TCERG1L: variants seen among roughly 807,000 people sequenced by gnomAD.
TCERG1L encodes the protein transcription elongation regulator 1 like.
In TCERG1L, 37 loss-of-function variants were observed where a neutral mutation model predicts 56.3. The ratio of observed to expected loss-of-function variants is 0.66; its 90% confidence interval spans 0.51 to 0.87. TCERG1L has a LOEUF of 0.87. Ranked by LOEUF, TCERG1L falls within the 40% of genes least tolerant of loss-of-function variation. The pLI is 0.00. For synonymous variants in TCERG1L, 324 were observed against 326.3 expected, an observed-to-expected ratio of 0.99 and a Z score of 0.08; for missense variants, 799 against 774.2, an observed-to-expected ratio of 1.03 and a Z score of -0.38.
At chr10:131,177,106 A>C (rs1347587331) in intron 4 of TCERG1L, among the ~76,000 whole-genome samples, 2 of 152,078 alleles carry the variant, frequency 1.3e-5, no homozygotes, top group African/African-American at 4.8e-5. Flanking sequence ...ACATGCACAC[A>C]CAGACACGTG....
chr10:131,114,720 C>G (rs1404866795), intron 9 of TCERG1L, among the ~76,000 whole-genome samples: 1 of 152,146 alleles, frequency 6.6e-6, no homozygotes, highest in African/African-American at 2.4e-5. Context: ...GCCGGCCTCT[C>G]AAGCAGGTAG....
Position 131,267,340 on chromosome 10 carries a change from A to C in TCERG1L, c.671-6896T>G, listed in dbSNP as rs1846297859. Among the ~76,000 whole-genome samples, 1 of 152,196 alleles carries C rather than the reference A, an allele frequency of 6.6e-6. No individual in the cohort carries two copies. Among genetic ancestry groups the C allele is most frequent in the Non-Finnish European group, 1.5e-5 (1 of 68,024 alleles). ...CTCTAGGATCGGAGTAAGCACTGGA[A>C]GCAGGGAGAGGCCAGGCAGCAGGAG... is the stretch of plus-strand genomic sequence containing the variant. On this transcript the variant is annotated intron_variant, in intron 3 of 11. Transcript: ENST00000368642. The surrounding 1 kb of genome is among the most constrained non-coding windows in gnomAD (Gnocchi z 4.9).
intron 8 of TCERG1L, among the ~76,000 whole-genome samples, chr10:131,119,613 G>A (rs549129574): frequency 6.6e-6 from 1 of 152,338 alleles, no homozygotes; most frequent in South Asian, 2.1e-4. Flanking sequence ...CTCTGTGCAG[G>A]GCTGCCGCAC....
intron 3 of TCERG1L, among the ~76,000 whole-genome samples, chr10:131,283,270 T>C (rs1276170732): frequency 6.6e-6 from 1 of 152,200 alleles, no homozygotes; most frequent in African/African-American, 2.4e-5. Context: ...GAAACCTGTC[T>C]TAGGTCTCCC....
At position 131,127,026 on chromosome 10, in the gene TCERG1L, C is replaced by T. The variant is rs566491618; in HGVS notation, c.1259+7353G>A. 2.6e-5 allele frequency among the ~76,000 whole-genome samples: 4 copies of T among 152,290 alleles called. No homozygotes were observed. In the East Asian group the frequency reaches 7.7e-4, roughly 29 times the overall value. On this transcript the variant is annotated intron_variant, in intron 8 of 11. Coordinates refer to ENST00000368642, the MANE Select transcript of TCERG1L (RefSeq NM_174937.4). Reference sequence around the variant, plus strand: ...CTATTTTCTTGTCTCTACTTGCTGCCTCCAGGTGTTGATTTTAGGTAATAT... The same window carrying T: ...CTATTTTCTTGTCTCTACTTGCTGCTTCCAGGTGTTGATTTTAGGTAATAT...
At chr10:131,262,146 C>T (rs1032512351) in intron 3 of TCERG1L, among the ~76,000 whole-genome samples, 7 of 152,104 alleles carry the variant, frequency 4.6e-5, no homozygotes, top group Admixed American at 2.6e-4. Context: ...CCAAGCGAGG[C>T]GAGCCACAGG....
chr10:131,173,992 C>T (rs1307273702), intron 4 of TCERG1L, among the ~76,000 whole-genome samples: 1 of 152,152 alleles, frequency 6.6e-6, no homozygotes, highest in Non-Finnish European at 1.5e-5. Context: ...TCAAGAAGCC[C>T]CTCCCCCAGC....
chr10:131,117,733 C>T (rs569051944), intron 8 of TCERG1L, among the ~76,000 whole-genome samples: 6 of 152,206 alleles, frequency 3.9e-5, no homozygotes, highest in African/African-American at 9.6e-5. Context: ...CCTACTCCTA[C>T]GGAAGAAATG....
At chr10:131,133,069 G>A (rs2133403270) in intron 8 of TCERG1L, among the ~76,000 whole-genome samples, 3 of 152,204 alleles carry the variant, frequency 2.0e-5, no homozygotes, top group African/African-American at 7.2e-5. Flanking sequence ...GCCTATTATC[G>A]AACCACTCAG....
intron 8 of TCERG1L, among the ~76,000 whole-genome samples, chr10:131,120,761 A>G (rs1845504681): frequency 6.6e-6 from 1 of 152,188 alleles, no homozygotes; most frequent in Admixed American, 6.5e-5. Flanking sequence ...AGGTGGTCCT[A>G]GCACTCACCT....
At position 131,093,245 on chromosome 10, in the gene TCERG1L, G is replaced by A. The variant is rs1425039928; in HGVS notation, c.1678C>T (p.Gln560Ter). ...ATGAATTGGTTGAAAAAATGCTCCT[G>A]GTCCTTTCTTTTTTGAACAAGTCGG... ...RFRLVQKRKDQEHFFNQFILI... is the reference protein window; with the variant it reads ...RFRLVQKRKD Residue 560 changes from glutamine (Q) to a stop codon, truncating the protein, a stop_gained, in exon 12 of 12, where the codon CAG (glutamine) becomes TAG (stop). Coordinates refer to ENST00000368642, the MANE Select transcript of TCERG1L (RefSeq NM_174937.4). LOFTEE classifies it high-confidence loss of function. 1.2e-6 allele frequency: 2 copies of A among 1,613,840 alleles called. No individual in the cohort carries two copies. Among genetic ancestry groups the A allele is most frequent in the Admixed American group, 1.7e-5 (1 of 60,000 alleles).
chr10:131,168,672 A>G (rs994787346), intron 4 of TCERG1L, among the ~76,000 whole-genome samples: 16 of 152,292 alleles, frequency 1.1e-4, no homozygotes, highest in African/African-American at 3.8e-4. Flanking sequence ...TTCACTCTGC[A>G]CAGCGCCCTG....
chr10:131,176,545 CAG>C (rs1846152994), intron 4 of TCERG1L, among the ~76,000 whole-genome samples: 1 of 125,806 alleles, frequency 7.9e-6, no homozygotes. Flanking sequence ...TGTACACCCA[CAG>C]AGATAGGCAC....
chr10:131,151,285 T>C (rs946348580), intron 6 of TCERG1L, among the ~76,000 whole-genome samples: 2 of 152,192 alleles, frequency 1.3e-5, no homozygotes, highest in African/African-American at 4.8e-5. Context: ...CCTATGAGAC[T>C]GTAAAATCAA....
intron 3 of TCERG1L, among the ~76,000 whole-genome samples, chr10:131,293,934 T>A (rs1846662245): frequency 6.6e-6 from 1 of 152,226 alleles, no homozygotes; most frequent in South Asian, 2.1e-4. Context: ...TTCCCTATAG[T>A]CCATCACTGT....
chr10:131,101,816 T>G (rs1292251796), intron 10 of TCERG1L, among the ~76,000 whole-genome samples: 1 of 152,180 alleles, frequency 6.6e-6, no homozygotes, highest in Admixed American at 6.5e-5. Context: ...TTCTCCTGCC[T>G]CAGCCTCCTG....
intron 4 of TCERG1L, among the ~76,000 whole-genome samples, chr10:131,178,093 C>A (rs911465962): frequency 1.3e-5 from 2 of 152,086 alleles, no homozygotes; most frequent in Non-Finnish European, 2.9e-5. Flanking sequence ...GCGCACTGGG[C>A]GTCAGCCAAG....
At chr10:131,213,221 T>G (rs1222169104) in intron 4 of TCERG1L, among the ~76,000 whole-genome samples, 1 of 152,138 alleles carries the variant, frequency 6.6e-6, no homozygotes, top group Non-Finnish European at 1.5e-5. Context: ...CCTGAGCTCC[T>G]GGCACACGGG....
In TCERG1L at chr10:131,178,566, G is replaced by A. The variant is rs182143581; in HGVS notation, c.857-11681C>T. Among the ~76,000 whole-genome samples the A allele has an allele frequency of 1.2e-3, 176 of 152,286 alleles. 4 individuals carry two copies. The East Asian group carries it at 0.021, about 18-fold the overall frequency. The stretch of plus-strand genomic sequence containing the variant: ...CTGTCTGTCTGTCCTCAGGGCCTGG[G>A]AAGAGGCACAGGCCCTAATTTGAAA... On this transcript the variant is annotated intron_variant, in intron 4 of 11. Coordinates refer to ENST00000368642, the MANE Select transcript of TCERG1L (RefSeq NM_174937.4).
Sources: allele counts gnomAD v4.1 joint callset (sites outside exome capture counted in the v4.1 genomes callset), GRCh38; gene constraint gnomAD v4.1.1; non-coding constraint Gnocchi (gnomAD v3.1); transcripts MANE v1.5; gene names NCBI Gene and HGNC (gene_info 2026-07-23, HGNC 2026-07-21).